The following COL12A1 variants were observed in gnomAD, a reference collection of about 807,000 sequenced individuals.
The protein encoded by COL12A1 is collagen type XII alpha 1 chain.
COL12A1 carries 114 observed loss-of-function variants against 349.7 expected under a neutral mutation model. That is an observed-to-expected ratio of 0.33 (90% CI 0.28 to 0.38). The LOEUF is 0.38. Ranked by LOEUF, COL12A1 falls within the 10% of genes least tolerant of loss-of-function variation. COL12A1 has a pLI of 1.00. For synonymous variants in COL12A1, 1,369 were observed against 1,329.0 expected, an observed-to-expected ratio of 1.03 and a Z score of -0.66; for missense variants, 3,284 against 3,756.9, an observed-to-expected ratio of 0.87 and a Z score of 3.29.
intron 14 of COL12A1, among the ~76,000 whole-genome samples, chr6:75,160,111 C>A (rs1227549903): frequency 1.3e-5 from 2 of 151,302 alleles, no homozygotes; most frequent in Non-Finnish European, 2.9e-5. Context: ...AGAATTTTTA[C>A]ATCATTGATT....
chr6:75,088,297 AGTCCT>A (rs1767598510), intron 64 of COL12A1, among the ~76,000 whole-genome samples: 1 of 152,252 alleles, frequency 6.6e-6, no homozygotes. Flanking sequence ...GACATGTAGT[AGTCCT>A]ATCCAAAATA....
At chr6:75,149,387 C>A (rs760755353) in intron 21 of COL12A1, among the ~76,000 whole-genome samples, 1 of 152,004 alleles carries the variant, frequency 6.6e-6, no homozygotes, top group African/African-American at 2.4e-5. Context: ...TCATTCTATT[C>A]TCTAACAGGA....
At chr6:75,133,212 C>A in intron 34 of COL12A1, 81 bp downstream of exon 34, 1 of 1,257,764 alleles carries the variant, frequency 8.0e-7, no homozygotes, top group Non-Finnish European at 1.0e-6. Flanking sequence ...TTTCCTAATT[C>A]TCTTTAATGG....
chr6:75,188,315 ACAATGGAAAAG>A, intron 8 of COL12A1, 36 bp downstream of exon 8: 1 of 1,541,746 alleles, frequency 6.5e-7, no homozygotes, highest in Non-Finnish European at 8.7e-7. Context: ...AAATACTCAA[ACAATGGAAAAG>A]ACTAACACAT....
chr6:75,198,981 T>G (rs1234263662), intron 2 of COL12A1, among the ~76,000 whole-genome samples: 2 of 152,216 alleles, frequency 1.3e-5, no homozygotes, highest in African/African-American at 4.8e-5. Flanking sequence ...CCATGCAAAA[T>G]TAGCATAACT....
chr6:75,196,959 C>A (rs1770257569), intron 2 of COL12A1, among the ~76,000 whole-genome samples: 1 of 152,106 alleles, frequency 6.6e-6, no homozygotes, highest in Admixed American at 6.5e-5. Context: ...TTCAGAGGAT[C>A]TTGAGGTGTT....
rs1489241641 is a variant in COL12A1 at position 75,085,290 on chromosome 6, G to C, written c.*1257C>G. ...TGCGCCGTAGTCCTCGTATTCCGCT[G>C]TCCGCTCGGGCTCCACCGGCACGAT... On this transcript the variant is annotated 3_prime_UTR_variant, in exon 66 of 66. Transcript: ENST00000322507. 2.1e-6 allele frequency: 1 copy of C among 471,086 alleles called. No homozygotes were observed. The highest frequency in any genetic ancestry group is 4.4e-6 in the Non-Finnish European group (1 of 227,056). 29.2% of individuals were successfully genotyped at this position (471,086 alleles called of 1,614,324 possible).
intron 41 of COL12A1, 55 bp from the exon 42 acceptor site, chr6:75,124,149 A>G: frequency 1.3e-6 from 2 of 1,595,882 alleles, no homozygotes; most frequent in Non-Finnish European, 1.7e-6. Flanking sequence ...TATTTCAAGA[A>G]AATTTTATAT....
At chr6:75,104,248 G>A (rs1282016336) in intron 54 of COL12A1, among the ~76,000 whole-genome samples, 1 of 152,060 alleles carries the variant, frequency 6.6e-6, no homozygotes, top group Non-Finnish European at 1.5e-5. Context: ...ATATCACAGT[G>A]ACATTCAAGC....
chr6:75,162,639 A>G (rs1269359058), intron 14 of COL12A1, among the ~76,000 whole-genome samples: 1 of 152,250 alleles, frequency 6.6e-6, no homozygotes, highest in Non-Finnish European at 1.5e-5. Context: ...AGCAATGGCA[A>G]TAAAAGCCAA....
chr6:75,121,427 TG>T lies in COL12A1; in HGVS notation c.6960del (p.Lys2321ArgfsTer7). The T allele has an allele frequency of 6.3e-7, 1 of 1,588,908 alleles. No homozygotes were observed. The highest frequency in any genetic ancestry group is 8.6e-7 in the Non-Finnish European group (1 of 1,162,706). On this transcript the variant is annotated frameshift_variant, in exon 44 of 66. Transcript: ENST00000322507. LOFTEE classifies it high-confidence loss of function. ...IPPARDVCKG[A>X]KADIVFLTDA... ...TCAGTCAAGAACACAATATCTGCCT[TG>T]GCCCCTTTGCATACTGCAAAAAAAG...
chr6:75,137,198 C>T (rs1334871854), intron 31 of COL12A1, among the ~76,000 whole-genome samples: 8 of 152,116 alleles, frequency 5.3e-5, no homozygotes, highest in African/African-American at 1.9e-4. Context: ...GAAGCACATG[C>T]CTCATGCTTT....
rs1029591665 is a variant in COL12A1 at position 75,126,505 on chromosome 6, T to C, written c.6341-35A>G. The C allele has an allele frequency of 8.2e-6, 13 of 1,593,340 alleles. No homozygotes were observed. The African/African-American group carries it at 1.6e-4, about 20-fold the overall frequency. On this transcript the variant is annotated intron_variant, in intron 38 of 65. Transcript: ENST00000322507. Reference sequence around the variant, plus strand: ...AACATTGACACACATTACTGACCTTTTATTGGCACACAGGGAGAGCACAAA... The same window carrying C: ...AACATTGACACACATTACTGACCTTCTATTGGCACACAGGGAGAGCACAAA...
intron 2 of COL12A1, among the ~76,000 whole-genome samples, chr6:75,198,695 G>A (rs1770361597): frequency 6.6e-6 from 1 of 152,152 alleles, no homozygotes; most frequent in Non-Finnish European, 1.5e-5. Flanking sequence ...ACCGGCCACT[G>A]CAGAGATGAA....
intron 37 of COL12A1, 152 bp from the exon 38 acceptor site, chr6:75,128,577 T>G: frequency 1.7e-6 from 1 of 604,582 alleles, no homozygotes; most frequent in Non-Finnish European, 2.4e-6. Flanking sequence ...ACAAACTATC[T>G]TCACTTCTTC....
At chr6:75,181,233 C>G (rs1489370001) in intron 10 of COL12A1, 22 bp from the exon 11 acceptor site, 3 of 1,361,608 alleles carry the variant, frequency 2.2e-6, no homozygotes, top group Middle Eastern at 4.2e-4. Context: ...AAAAAAAAGA[C>G]AGTTAAAAAT....
rs765941102 is a variant in COL12A1 at position 75,175,363 on chromosome 6, T to G, written c.2438-53A>C. On this transcript the variant is annotated intron_variant, in intron 12 of 65. Coordinates refer to ENST00000322507, the MANE Select transcript of COL12A1 (RefSeq NM_004370.6). Reference sequence around the variant, plus strand: ...AAACCCATTATTTAAAAAAATGACTTGAAAAACACTTTGTTACTTTACTTA... The same window carrying G: ...AAACCCATTATTTAAAAAAATGACTGGAAAAACACTTTGTTACTTTACTTA... 1.2e-5 allele frequency: 19 copies of G among 1,570,816 alleles called. No homozygotes were observed. In the Middle Eastern group the frequency reaches 5.3e-4, roughly 44 times the overall value.
chr6:75,116,564 A>C (rs1235830879), intron 47 of COL12A1, among the ~76,000 whole-genome samples: 1 of 152,112 alleles, frequency 6.6e-6, no homozygotes. Context: ...CTTGGGACAG[A>C]AGAGAAACCA....
rs546168810 is a variant in COL12A1, at chr6:75,146,003, A to G, written c.4560+99T>C. 2.4e-6 allele frequency: 3 copies of G among 1,273,984 alleles called. No homozygotes were observed. The Admixed American group carries it at 8.0e-5, about 34-fold the overall frequency. The allele number at this position is 1,273,984 out of a possible 1,614,324, so 78.9% of individuals were successfully genotyped here. ...TTTCTATTTTTCCATTTTGTACGTA[A>G]AGTTATAAATGAGTTTGTAAGTAAC... On this transcript the variant is annotated intron_variant, in intron 24 of 65. Transcript: ENST00000322507.
Sources: allele counts gnomAD v4.1 joint callset (sites outside exome capture counted in the v4.1 genomes callset), GRCh38; gene constraint gnomAD v4.1.1; transcripts MANE v1.5; gene names NCBI Gene and HGNC (gene_info 2026-07-23, HGNC 2026-07-21).